CLEC19A: variants seen among roughly 807,000 people sequenced by gnomAD.
CLEC19A encodes C-type lectin domain family 19 member A.
CLEC19A carries 21 observed loss-of-function variants against 26.1 expected under a neutral mutation model. The observed-to-expected ratio is 0.80, with a 90% confidence interval of 0.57 to 1.16. The LOEUF is 1.16. Among genes scored for constraint, CLEC19A ranks in the 50% most tolerant of loss-of-function variants. The pLI is 0.00. For synonymous variants in CLEC19A, 89 were observed against 88.6 expected (o/e 1.00, Z -0.03); for missense variants, 224 against 227.6 (o/e 0.98, Z 0.10).
chr16:19,304,473 C>T, intron 3 of CLEC19A: 1 of 221,854 alleles, frequency 4.5e-6, no homozygotes, highest in Non-Finnish European at 9.1e-6. Context: ...GAGGCTGAGG[C>T]TGGTGGATCA....
At chr16:19,293,728 TTA>T (rs1897641979) in intron 1 of CLEC19A, among the ~76,000 whole-genome samples, 1 of 151,648 alleles carries the variant, frequency 6.6e-6, no homozygotes, top group African/African-American at 2.4e-5. Context: ...AGTGTTGAGA[TTA>T]CAGGTGTGAG....
At chr16:19,302,440 T>C (rs1237496332) in intron 2 of CLEC19A, among the ~76,000 whole-genome samples, 1 of 152,180 alleles carries the variant, frequency 6.6e-6, no homozygotes, top group Non-Finnish European at 1.5e-5. Context: ...TACCTCAACA[T>C]AGCCCTGTTT....
At chr16:19,302,519 G>T (rs1037714265) in intron 2 of CLEC19A, among the ~76,000 whole-genome samples, 2 of 152,144 alleles carry the variant, frequency 1.3e-5, no homozygotes, top group Non-Finnish European at 2.9e-5. Context: ...CATCGACATG[G>T]CCATGTTTTG....
chr16:19,287,743 G>T (rs1897503301), intron 1 of CLEC19A, among the ~76,000 whole-genome samples: 1 of 152,182 alleles, frequency 6.6e-6, no homozygotes, highest in Non-Finnish European at 1.5e-5. Context: ...TCACCTCTCT[G>T]AGCCCCAAGT....
chr16:19,306,283 C>T (rs796528305), intron 3 of CLEC19A, among the ~76,000 whole-genome samples: 12 of 151,930 alleles, frequency 7.9e-5, no homozygotes, highest in African/African-American at 2.9e-4. Context: ...GTAGCTAGTA[C>T]TATAGGCAGG....
intron 2 of CLEC19A, 110 bp from the exon 3 acceptor site, chr16:19,303,952 C>A: frequency 1.2e-6 from 1 of 843,844 alleles, no homozygotes; most frequent in Non-Finnish European, 1.8e-6. Flanking sequence ...GGATCATATC[C>A]TCTATTTACT....
intron 1 of CLEC19A, among the ~76,000 whole-genome samples, chr16:19,288,346 G>A (rs996322530): frequency 9.9e-5 from 15 of 152,006 alleles, no homozygotes; most frequent in Admixed American, 1.3e-4. Flanking sequence ...TGTGGGCCCC[G>A]GCCGACCATG....
Position 19,298,673 on chromosome 16 carries a change from C to A in CLEC19A, c.89C>A (p.Ala30Asp). The A allele has an allele frequency of 6.4e-7, 1 of 1,550,940 alleles. No homozygotes were observed. The highest frequency in any genetic ancestry group is 8.7e-7 in the Non-Finnish European group (1 of 1,147,066). ...CAGTCTGTTTCCTTTCTGCCCCCAG[C>A]CCTGCCAGAGCTGCCCCTGCCTTCC... is the stretch of plus-strand genomic sequence containing the variant. ...FPQTDISISPALPELPLPSLC... is the reference protein window; with the variant it reads ...FPQTDISISPDLPELPLPSLC... Residue 30 changes from alanine (A) to aspartate (D), a missense_variant and splice_region_variant, in exon 2 of 5, where the codon GCC becomes GAC. Transcript: ENST00000636231.
intron 3 of CLEC19A, chr16:19,305,185 G>A (rs947335186): frequency 6.6e-6 from 1 of 152,326 alleles, no homozygotes; most frequent in African/African-American, 2.4e-5. Flanking sequence ...GGCGATCTGG[G>A]TAATGTACTT....
chr16:19,304,573 C>T (rs1897910624), intron 3 of CLEC19A, among the ~76,000 whole-genome samples: 1 of 151,846 alleles, frequency 6.6e-6, no homozygotes, highest in Non-Finnish European at 1.5e-5. Flanking sequence ...CTGTTGTGGG[C>T]TCCTGTAATC....
chr16:19,291,747 G>A (rs147854281), intron 1 of CLEC19A, among the ~76,000 whole-genome samples: 6 of 152,308 alleles, frequency 3.9e-5, no homozygotes, highest in South Asian at 2.1e-4. Flanking sequence ...GGGAAATGCC[G>A]TGCAGGCTGG....
At chr16:19,287,799 A>T (rs1382279422) in intron 1 of CLEC19A, among the ~76,000 whole-genome samples, 2 of 152,230 alleles carry the variant, frequency 1.3e-5, no homozygotes, top group Non-Finnish European at 2.9e-5. Context: ...ATCTTCAATG[A>T]GCTCGTGCAG....
intron 4 of CLEC19A, 40 bp downstream of exon 4, chr16:19,307,717 A>G: frequency 1.9e-6 from 3 of 1,545,502 alleles, no homozygotes; most frequent in Non-Finnish European, 1.7e-6. Context: ...AGGGGAGCCC[A>G]GGAGGTGTCA....
chr16:19,293,830 C>G (rs56298416), intron 1 of CLEC19A, among the ~76,000 whole-genome samples: 27,101 of 152,142 alleles, frequency 0.18, 2,844 homozygotes, highest in Non-Finnish European at 0.22. Flanking sequence ...TACAGGCATA[C>G]AGTGTGTAAT....
chr16:19,293,638 A>G (rs1597081087), intron 1 of CLEC19A, among the ~76,000 whole-genome samples: 1 of 151,866 alleles, frequency 6.6e-6, no homozygotes, highest in African/African-American at 2.4e-5. Flanking sequence ...AATTTTTGGT[A>G]AGAGACAGGG....
intron 2 of CLEC19A, among the ~76,000 whole-genome samples, chr16:19,299,257 A>T (rs925112831): frequency 1.3e-5 from 2 of 152,230 alleles, no homozygotes; most frequent in African/African-American, 4.8e-5. Context: ...AAAGAATATG[A>T]TGTAAAGAAT....
chr16:19,304,438 C>T (rs1005293691), intron 3 of CLEC19A: 25 of 288,682 alleles, frequency 8.7e-5, no homozygotes, highest in Non-Finnish European at 1.4e-4. Context: ...TGTGGAGGCT[C>T]ATGCCTGTAA....
intron 2 of CLEC19A, among the ~76,000 whole-genome samples, chr16:19,302,599 C>A (rs1335472876): frequency 1.2e-4 from 18 of 152,116 alleles, no homozygotes. Context: ...CTAAAGTTCG[C>A]CTTTTAGTGC....
At position 19,298,940 on chromosome 16, in the gene CLEC19A, ACTATTTG is replaced by A; in HGVS notation, c.254+103_254+109del. ...CTGGCATTTCTCTTTGGTAATTGAA[ACTATTTG>A]AAAAAAATGGAGATGGAGTCTTGCT... On this transcript the variant is annotated intron_variant, in intron 2 of 4. Coordinates refer to ENST00000636231, the MANE Select transcript of CLEC19A (RefSeq NM_001256720.2). 1.0e-5 allele frequency: 13 copies of A among 1,284,428 alleles called. No homozygotes were observed. In the Admixed American group the frequency reaches 1.1e-4, roughly 11 times the overall value. The allele number at this position is 1,284,428 out of a possible 1,614,324, so 79.6% of individuals were successfully genotyped here. A position where few individuals can be genotyped will look rare whatever the true frequency, so the allele number is the denominator to read the frequency against.
Sources: allele counts gnomAD v4.1 joint callset (sites outside exome capture counted in the v4.1 genomes callset), GRCh38; gene constraint gnomAD v4.1.1; transcripts MANE v1.5; gene names NCBI Gene and HGNC (gene_info 2026-07-23, HGNC 2026-07-21).